ARHGAP25: variants seen among roughly 807,000 people sequenced by gnomAD.
ARHGAP25 encodes the protein rho GTPase-activating protein 25.
A neutral mutation model predicts 71.0 loss-of-function variants in ARHGAP25; 34 were observed. That is an observed-to-expected ratio of 0.48 (90% CI 0.36 to 0.64). The LOEUF is 0.64. ARHGAP25 is among the 30% of genes least tolerant of loss of function. The pLI is 0.00. For missense variants in ARHGAP25, 706 were observed against 805.1 expected, an observed-to-expected ratio of 0.88 and a Z score of 1.49; for synonymous variants, 282 against 296.5, an observed-to-expected ratio of 0.95 and a Z score of 0.50.
intron 9 of ARHGAP25, 96 bp from the exon 10 acceptor site, chr2:68,822,244 G>C (rs1263139455): frequency 8.3e-7 from 1 of 1,210,746 alleles, no homozygotes; most frequent in Non-Finnish European, 1.2e-6. Flanking sequence ...TATGCTACCA[G>C]GAAACTTTTG....
chr2:68,791,940 A>G (rs528050899), intron 4 of ARHGAP25, among the ~76,000 whole-genome samples: 10 of 152,186 alleles, frequency 6.6e-5, no homozygotes, highest in Admixed American at 5.9e-4. Flanking sequence ...CCCTTCTCTA[A>G]GGGCTTGTGA....
Position 68,743,844 on chromosome 2 carries a change from A to G in ARHGAP25, c.61+8584A>G, listed in dbSNP as rs192096038. Among the ~76,000 whole-genome samples the G allele has an allele frequency of 4.3e-4, 66 of 152,310 alleles. 1 individual carries two copies. The highest frequency in any genetic ancestry group is 1.4e-3 in the African/African-American group (57 of 41,572). On this transcript the variant is annotated intron_variant, in intron 1 of 10. Coordinates refer to ENST00000409202, the MANE Select transcript of ARHGAP25 (RefSeq NM_001007231.3). Reference sequence around the variant, plus strand: ...GGACATGGAACTCAGTGTGAAAACCAGGAAAGTAACCCTAGAATCAGGTCG... The same window carrying G: ...GGACATGGAACTCAGTGTGAAAACCGGGAAAGTAACCCTAGAATCAGGTCG...
chr2:68,799,775 G>A (rs1679836235), intron 4 of ARHGAP25, among the ~76,000 whole-genome samples: 1 of 152,242 alleles, frequency 6.6e-6, no homozygotes, highest in South Asian at 2.1e-4. Context: ...GCTGGGGCAG[G>A]TGCAGACAGA....
intron 3 of ARHGAP25, among the ~76,000 whole-genome samples, chr2:68,783,277 G>T (rs955910703): frequency 6.6e-6 from 1 of 152,020 alleles, no homozygotes; most frequent in Non-Finnish European, 1.5e-5. Context: ...ATTTAATAAG[G>T]AAATAAATAT....
chr2:68,739,622 C>T (rs1025402812), intron 1 of ARHGAP25, among the ~76,000 whole-genome samples: 1 of 152,124 alleles, frequency 6.6e-6, no homozygotes, highest in Non-Finnish European at 1.5e-5. Context: ...TGTTAAGATA[C>T]AAGACATGGG....
intron 1 of ARHGAP25, among the ~76,000 whole-genome samples, chr2:68,754,600 G>A (rs928156048): frequency 2.5e-4 from 38 of 152,260 alleles, no homozygotes; most frequent in Middle Eastern, 6.8e-3. Flanking sequence ...TAAATATTGA[G>A]GAGTGCTACT....
intron 10 of ARHGAP25, among the ~76,000 whole-genome samples, chr2:68,824,559 G>T (rs141474775): frequency 6.6e-6 from 1 of 152,142 alleles, no homozygotes; most frequent in East Asian, 1.9e-4. Flanking sequence ...TGGCTAACAC[G>T]GTGAAACCAT....
At chr2:68,781,464 A>G (rs1040177913) in intron 2 of ARHGAP25, among the ~76,000 whole-genome samples, 5 of 152,124 alleles carry the variant, frequency 3.3e-5, no homozygotes, top group African/African-American at 1.2e-4. Flanking sequence ...ACATGGTGGA[A>G]GTGGCTTGTT....
intron 5 of ARHGAP25, among the ~76,000 whole-genome samples, chr2:68,809,672 A>G (rs1339378477): frequency 2.0e-5 from 3 of 152,102 alleles, no homozygotes; most frequent in African/African-American, 7.2e-5. Context: ...GAATTCTAGG[A>G]GTCAGTGGGT....
Position 68,797,383 on chromosome 2 carries a change from C to T in ARHGAP25, c.466+9427C>T, listed in dbSNP as rs1007239633. On this transcript the variant is annotated intron_variant, in intron 4 of 10. Transcript: ENST00000409202. ...CTCACACCCCAGTCCCAGCAAAGTT[C>T]CCTCCTCCATCCTGGCTATGGCAGC... Among the ~76,000 whole-genome samples, 5 of 152,296 alleles carry T rather than the reference C, an allele frequency of 3.3e-5. No homozygotes were observed. The South Asian group carries it at 6.2e-4, about 19-fold the overall frequency.
chr2:68,802,867 C>A (rs1680098497), intron 4 of ARHGAP25, among the ~76,000 whole-genome samples: 1 of 151,800 alleles, frequency 6.6e-6, no homozygotes, highest in African/African-American at 2.4e-5. Flanking sequence ...ATTATTCTTT[C>A]ATAAATTATA....
rs201934389 is a variant in ARHGAP25, at chr2:68,775,189, C to G, written c.62-32C>G. ...TCTTTGCTCACTGCCCCATGTCCCT[C>G]GGTCAGTCGGCCTGTCTGTTCCTCT... On this transcript the variant is annotated intron_variant, in intron 1 of 10. Coordinates refer to ENST00000409202, the MANE Select transcript of ARHGAP25 (RefSeq NM_001007231.3). 6.3e-5 allele frequency: 101 copies of G among 1,614,244 alleles called. 1 individual carries two copies. In the Admixed American group the frequency reaches 1.6e-3, roughly 26 times the overall value.
Position 68,816,306 on chromosome 2 carries a change from G to A in ARHGAP25, c.825G>A (p.Met275Ile), listed in dbSNP as rs138125527. The A allele has an allele frequency of 1.9e-6, 3 of 1,613,738 alleles. No individual in the cohort carries two copies. Among genetic ancestry groups the A allele is most frequent in the Non-Finnish European group, 2.5e-6 (3 of 1,179,820 alleles). Residue 275 changes from methionine (M) to isoleucine (I), a missense_variant, in exon 7 of 11, where the codon ATG (methionine) becomes ATA (isoleucine). Coordinates refer to ENST00000409202, the MANE Select transcript of ARHGAP25 (RefSeq NM_001007231.3). ...CTTCCCAGGCTCAGCAGGAGTTGAT[G>A]AAGCAGCTCTCCATCCTTCCTCGTG... ...ADEAKAQQEL[M>I]KQLSILPRDN...
chr2:68,817,797 T>A (rs1165286077), intron 7 of ARHGAP25, 76 bp from the exon 8 acceptor site: 12 of 1,547,770 alleles, frequency 7.8e-6, no homozygotes, highest in Non-Finnish European at 1.1e-5. Context: ...CATCCCTGAG[T>A]TCTCATTGGA....
At chr2:68,819,899 G>A (rs1019665529) in intron 9 of ARHGAP25, among the ~76,000 whole-genome samples, 1 of 152,022 alleles carries the variant, frequency 6.6e-6, no homozygotes, top group Non-Finnish European at 1.5e-5. Context: ...AATTTACAAA[G>A]GTCAAATATT....
chr2:68,761,301 G>A (rs1676802690), intron 1 of ARHGAP25, among the ~76,000 whole-genome samples: 1 of 151,916 alleles, frequency 6.6e-6, no homozygotes, highest in Admixed American at 6.6e-5. Context: ...GAAGACGTGG[G>A]GCAAAAACTT....
intron 1 of ARHGAP25, among the ~76,000 whole-genome samples, chr2:68,737,885 G>T (rs1008590531): frequency 2.0e-5 from 3 of 152,112 alleles, no homozygotes; most frequent in Non-Finnish European, 4.4e-5. Flanking sequence ...GAGTGAAAGT[G>T]AAAGTCTCTG....
chr2:68,711,008 T>C (rs1179183325), intron 2 of ARHGAP25, among the ~76,000 whole-genome samples: 1 of 152,208 alleles, frequency 6.6e-6, no homozygotes, highest in Non-Finnish European at 1.5e-5. Flanking sequence ...GTCTAGGTCA[T>C]CCTATGTCAA....
intron 1 of ARHGAP25, among the ~76,000 whole-genome samples, chr2:68,741,055 A>G (rs72893971): frequency 0.026 from 4,019 of 152,296 alleles, 183 homozygotes; most frequent in African/African-American, 0.092. Context: ...TATGACATAT[A>G]TTAGGTGCTC....
Sources: gnomAD v4.1 joint callset for allele counts (sites outside exome capture counted in the v4.1 genomes callset) on GRCh38, gnomAD v4.1.1 for gene constraint, MANE v1.5 for transcripts, NCBI Gene and HGNC (gene_info 2026-07-23, HGNC 2026-07-21) for gene names.